PXDNL: variants seen among roughly 807,000 people sequenced by gnomAD.
PXDNL encodes the protein peroxidasin like.
PXDNL carries 145 observed loss-of-function variants against 150.8 expected under a neutral mutation model. The observed-to-expected ratio is 0.96, with a 90% CI of 0.84 to 1.10. The LOEUF (loss-of-function observed/expected upper bound fraction) is 1.10, where lower values mean the gene tolerates loss of function less well. Among genes scored for constraint, PXDNL ranks in the 50% least tolerant of loss-of-function variants. PXDNL has a pLI of 0.00. For synonymous variants in PXDNL, 757 were observed against 725.7 expected (o/e 1.04, Z -0.69); for missense variants, 2,087 against 1,873.9 (o/e 1.11, Z -2.10).
At chr8:51,761,957 CTT>C (rs921518477) in intron 1 of PXDNL, among the ~76,000 whole-genome samples, 5 of 152,102 alleles carry the variant, frequency 3.3e-5, no homozygotes, top group Admixed American at 3.3e-4. Flanking sequence ...GATACAGAAT[CTT>C]AGAGTGTAGG....
intron 8 of PXDNL, among the ~76,000 whole-genome samples, chr8:51,466,681 C>A (rs1379993992): frequency 6.6e-6 from 1 of 152,104 alleles, no homozygotes; most frequent in Non-Finnish European, 1.5e-5. Context: ...CTACAAGGAA[C>A]TTAAACAAAT....
chr8:51,678,725 C>T (rs936992084), intron 1 of PXDNL, among the ~76,000 whole-genome samples: 5 of 117,690 alleles, frequency 4.2e-5, no homozygotes, highest in Non-Finnish European at 6.9e-5. Flanking sequence ...TGTGGGGTGG[C>T]GGGGTGGGGG....
At chr8:51,780,083 T>C (rs752902970) in intron 1 of PXDNL, among the ~76,000 whole-genome samples, 2 of 152,072 alleles carry the variant, frequency 1.3e-5, no homozygotes, top group Non-Finnish European at 2.9e-5. Context: ...TGATGGCAGG[T>C]GTCTGTAATC....
At chr8:51,398,511 T>A (rs527681722) in intron 17 of PXDNL, among the ~76,000 whole-genome samples, 3 of 152,306 alleles carry the variant, frequency 2.0e-5, no homozygotes, top group African/African-American at 7.2e-5. Context: ...AGACAGCAGC[T>A]TGCCAAGTCT....
intron 17 of PXDNL, among the ~76,000 whole-genome samples, chr8:51,403,131 A>G (rs1272268528): frequency 6.6e-6 from 1 of 151,906 alleles, no homozygotes; most frequent in Non-Finnish European, 1.5e-5. Flanking sequence ...AAAAAGAAAC[A>G]GTGTGATTCT....
At chr8:51,455,856 C>T (rs1458704681) in intron 9 of PXDNL, among the ~76,000 whole-genome samples, 1 of 152,188 alleles carries the variant, frequency 6.6e-6, no homozygotes, top group African/African-American at 2.4e-5. Flanking sequence ...CATGCCACTG[C>T]ACTCCAGCCT....
intron 1 of PXDNL, among the ~76,000 whole-genome samples, chr8:51,796,683 T>C (rs1479114732): frequency 3.3e-5 from 5 of 152,096 alleles, no homozygotes; most frequent in African/African-American, 9.7e-5. Context: ...CAGAAATACA[T>C]AGCTTATCAA....
At chr8:51,540,100 G>T (rs1812179894) in intron 4 of PXDNL, among the ~76,000 whole-genome samples, 1 of 152,010 alleles carries the variant, frequency 6.6e-6, no homozygotes, top group Non-Finnish European at 1.5e-5. Context: ...ATTTCTCCAT[G>T]TTGGCCAGGC....
intron 1 of PXDNL, among the ~76,000 whole-genome samples, chr8:51,668,173 T>G (rs1585661153): frequency 1.2e-5 from 1 of 85,890 alleles, no homozygotes; most frequent in Non-Finnish European, 2.3e-5. Flanking sequence ...CTTCTCGCTC[T>G]CTCTTTTTTT....
intron 2 of PXDNL, among the ~76,000 whole-genome samples, chr8:51,639,164 A>T (rs1165884260): frequency 6.6e-6 from 1 of 152,212 alleles, no homozygotes; most frequent in African/African-American, 2.4e-5. Flanking sequence ...GAGAACAAAG[A>T]CACAACATAC....
intron 14 of PXDNL, among the ~76,000 whole-genome samples, chr8:51,415,128 A>ATTT (rs1808761600): frequency 6.6e-6 from 1 of 152,166 alleles, no homozygotes; most frequent in African/African-American, 2.4e-5. Flanking sequence ...AGTAATTTCA[A>ATTT]TCCCATGCAT....
chr8:51,339,735 A>G lies in PXDNL; in HGVS notation c.4035T>C (p.Tyr1345=). 1.2e-6 allele frequency: 2 copies of G among 1,608,494 alleles called. No individual in the cohort carries two copies. Among genetic ancestry groups the G allele is most frequent in the South Asian group, 1.1e-5 (1 of 89,506 alleles). ...TCACATTTCTAGCATCTTCACCCAC[A>G]TATATTTTATCTTGTTGCCTATTTA... is the stretch of plus-strand genomic sequence containing the variant. ...HLRSRQQDKI[Y]VGEDARNVTV... The change falls in exon 21 of 23, where the codon TAT becomes TAC. Residue 1345 remains tyrosine (Y), a synonymous_variant. Transcript: ENST00000356297.
At chr8:51,345,775 A>T in intron 20 of PXDNL, 58 bp downstream of exon 20, 1 of 1,000,452 alleles carries the variant, frequency 1.0e-6, no homozygotes, top group Non-Finnish European at 1.5e-6. Flanking sequence ...AACAAATTGT[A>T]GGTTTGAAGC....
At chr8:51,677,699 T>A (rs1815653769) in intron 1 of PXDNL, among the ~76,000 whole-genome samples, 1 of 152,218 alleles carries the variant, frequency 6.6e-6, no homozygotes, top group Non-Finnish European at 1.5e-5. Context: ...AAACATAATG[T>A]AGAATGGTGG....
At chr8:51,775,280 A>G (rs1482296078) in intron 1 of PXDNL, among the ~76,000 whole-genome samples, 2 of 152,246 alleles carry the variant, frequency 1.3e-5, no homozygotes, top group Non-Finnish European at 2.9e-5. Context: ...AGAAGAAGCT[A>G]TGTAGAGAAT....
At position 51,664,539 on chromosome 8, in the gene PXDNL, G is replaced by A. The variant is rs116532661; in HGVS notation, c.165-9779C>T. On this transcript the variant is annotated intron_variant, in intron 1 of 22. Transcript: ENST00000356297. ...CTAGACAATACCAGCCCATTTGCAC[G>A]TGAGCCAATAAACACAGCATGAAGA... 2.2e-3 allele frequency among the ~76,000 whole-genome samples: 342 copies of A among 152,246 alleles called. 3 individuals are homozygous for A. The highest frequency in any genetic ancestry group is 8.0e-3 in the African/African-American group (333 of 41,548).
At position 51,694,879 on chromosome 8, in the gene PXDNL, G is replaced by T. The variant is rs193278420; in HGVS notation, c.165-40119C>A. Among the ~76,000 whole-genome samples the T allele has an allele frequency of 4.5e-4, 69 of 152,304 alleles. 1 individual carries two copies. The highest frequency in any genetic ancestry group is 1.6e-3 in the African/African-American group (68 of 41,568). On this transcript the variant is annotated intron_variant, in intron 1 of 22. Transcript: ENST00000356297. ...CATCCAAATCTTATGATGTTTTATG[G>T]TACATTGCATTTAAAGTATATTGTT...
At position 51,439,162 on chromosome 8, in the gene PXDNL, TTGCAATCTA is replaced by T. The variant is rs141742749; in HGVS notation, c.1525+7833_1525+7841del. On this transcript the variant is annotated intron_variant, in intron 12 of 22. Coordinates refer to ENST00000356297, the MANE Select transcript of PXDNL (RefSeq NM_144651.5). ...CAACCCACAGAATAGAAGAAAATCTTTGCAATCTATGCATCCAGTGAGGACTAATATCCA... is the reference window on the plus strand; with the variant it reads ...CAACCCACAGAATAGAAGAAAATCTTTGCATCCAGTGAGGACTAATATCCA... Among the ~76,000 whole-genome samples the T allele has an allele frequency of 8.6e-3, 1,311 of 152,266 alleles. 22 individuals are homozygous for T. Among genetic ancestry groups the T allele is most frequent in the African/African-American group, 0.029 (1,222 of 41,534 alleles).
At chr8:51,453,445 A>T (rs563591757) in intron 10 of PXDNL, 74 bp downstream of exon 10, 1 of 1,436,652 alleles carries the variant, frequency 7.0e-7, no homozygotes, top group East Asian at 2.3e-5. Flanking sequence ...TGTACATGAC[A>T]TTATTTAAGT....
Sources: allele counts gnomAD v4.1 joint callset (sites outside exome capture counted in the v4.1 genomes callset), GRCh38; gene constraint gnomAD v4.1.1; transcripts MANE v1.5; gene names NCBI Gene and HGNC (gene_info 2026-07-23, HGNC 2026-07-21).